The following B3GALT1 variants were observed in gnomAD, a reference collection of about 807,000 sequenced individuals.
B3GALT1 encodes UDP-Gal:betaGlcNAc beta 1,3-galactosyltransferase, polypeptide 1.
B3GALT1 carries 10 observed loss-of-function variants against 23.2 expected under a neutral mutation model. The ratio of observed to expected loss-of-function variants is 0.43; its 90% confidence interval spans 0.27 to 0.73. B3GALT1 has a LOEUF of 0.73. Ranked by LOEUF, B3GALT1 falls within the 30% of genes least tolerant of loss-of-function variation. The pLI, the probability that B3GALT1 is intolerant of heterozygous loss-of-function variation, is 0.21. For synonymous variants in B3GALT1, 156 were observed against 141.5 expected (o/e 1.10, Z -0.73); for missense variants, 299 against 405.4 (o/e 0.74, Z 2.25).
At chr2:167,746,790 T>C (rs796481190) in intron 3 of B3GALT1, among the ~76,000 whole-genome samples, 5 of 152,332 alleles carry the variant, frequency 3.3e-5, no homozygotes, top group African/African-American at 1.2e-4. Flanking sequence ...GCCCTTAAGT[T>C]TGCTATGTCT....
chr2:167,370,746 G>A (rs1039617490), intron 1 of B3GALT1, among the ~76,000 whole-genome samples: 2 of 152,230 alleles, frequency 1.3e-5, no homozygotes, highest in Middle Eastern at 3.4e-3. Context: ...GCAACATAGT[G>A]AAATCTCGTC....
chr2:167,726,631 TCACAA>T (rs1448902979), intron 3 of B3GALT1, among the ~76,000 whole-genome samples: 2 of 152,202 alleles, frequency 1.3e-5, no homozygotes, highest in Admixed American at 1.3e-4. Context: ...TAGTTGACAT[TCACAA>T]CATCTCTATG....
chr2:167,576,191 T>C (rs1380158759), intron 2 of B3GALT1, among the ~76,000 whole-genome samples: 1 of 151,828 alleles, frequency 6.6e-6, no homozygotes, highest in African/African-American at 2.4e-5. Flanking sequence ...AAGGACTTTA[T>C]TTACATTTCT....
chr2:167,695,361 T>C (rs1202831555), intron 3 of B3GALT1, among the ~76,000 whole-genome samples: 1 of 152,174 alleles, frequency 6.6e-6, no homozygotes, highest in African/African-American at 2.4e-5. Flanking sequence ...CATTAATCTT[T>C]GAGAAAAAAG....
intron 1 of B3GALT1, among the ~76,000 whole-genome samples, chr2:167,444,449 C>T (rs138076672): frequency 0.012 from 1,813 of 152,300 alleles, 41 homozygotes; most frequent in African/African-American, 0.042. Flanking sequence ...ATGGTACCAG[C>T]TCCTCCTTGT....
At chr2:167,305,469 T>C (rs912846430) in intron 1 of B3GALT1, among the ~76,000 whole-genome samples, 1 of 152,176 alleles carries the variant, frequency 6.6e-6, no homozygotes, top group Non-Finnish European at 1.5e-5. Flanking sequence ...GCATATTATT[T>C]CACACGTGTA....
chr2:167,576,534 T>G (rs535547299), intron 2 of B3GALT1, among the ~76,000 whole-genome samples: 104 of 147,588 alleles, frequency 7.0e-4, no homozygotes, highest in East Asian at 2.3e-3. Context: ...TTTTTTTTGT[T>G]TTTTTTTTTT....
chr2:167,359,811 C>G (rs1697471367), intron 1 of B3GALT1, among the ~76,000 whole-genome samples: 1 of 150,150 alleles, frequency 6.7e-6, no homozygotes, highest in Non-Finnish European at 1.5e-5. Context: ...ACCAAGAAAA[C>G]TAATTTCCAG....
intron 2 of B3GALT1, among the ~76,000 whole-genome samples, chr2:167,519,023 G>C (rs765879857): frequency 1.3e-5 from 2 of 152,160 alleles, no homozygotes; most frequent in Non-Finnish European, 2.9e-5. Flanking sequence ...GAGTTGTGAA[G>C]AGCTCATGGC....
At chr2:167,313,153 C>T (rs1362726846) in intron 1 of B3GALT1, among the ~76,000 whole-genome samples, 2 of 152,108 alleles carry the variant, frequency 1.3e-5, no homozygotes, top group Non-Finnish European at 2.9e-5. Flanking sequence ...TCATGATTTT[C>T]TGCTTATTCA....
At chr2:167,600,480 A>G (rs956833822) in intron 2 of B3GALT1, among the ~76,000 whole-genome samples, 2 of 152,168 alleles carry the variant, frequency 1.3e-5, no homozygotes, top group Non-Finnish European at 2.9e-5. Context: ...AATTTAGACA[A>G]TTATCATCAC....
chr2:167,705,070 T>C (rs975680276), intron 3 of B3GALT1, among the ~76,000 whole-genome samples: 3 of 152,222 alleles, frequency 2.0e-5, no homozygotes, highest in African/African-American at 7.2e-5. Flanking sequence ...CTTGGCTATG[T>C]GACCTGCTTG....
At chr2:167,367,029 A>G (rs1697598447) in intron 1 of B3GALT1, among the ~76,000 whole-genome samples, 1 of 152,190 alleles carries the variant, frequency 6.6e-6, no homozygotes, top group Non-Finnish European at 1.5e-5. Flanking sequence ...CCAAGTGGGG[A>G]AGACTACACA....
chr2:167,656,697 G>T (rs1366510917), intron 3 of B3GALT1, among the ~76,000 whole-genome samples: 1 of 152,138 alleles, frequency 6.6e-6, no homozygotes, highest in Non-Finnish European at 1.5e-5. Context: ...TGGATTAGCT[G>T]TCCTACAGCT....
chr2:167,703,917 C>G (rs1480007662), intron 3 of B3GALT1, among the ~76,000 whole-genome samples: 1 of 152,102 alleles, frequency 6.6e-6, no homozygotes, highest in Non-Finnish European at 1.5e-5. Flanking sequence ...CGCGGTGGCT[C>G]ACACCTGTAA....
At chr2:167,784,407 T>C (rs1688306042) in intron 3 of B3GALT1, among the ~76,000 whole-genome samples, 1 of 152,156 alleles carries the variant, frequency 6.6e-6, no homozygotes, top group Non-Finnish European at 1.5e-5. Flanking sequence ...GATCCCCAGG[T>C]GCTCCCATTT....
At chr2:167,652,105 G>T (rs896745045) in intron 3 of B3GALT1, among the ~76,000 whole-genome samples, 3 of 152,142 alleles carry the variant, frequency 2.0e-5, no homozygotes, top group African/African-American at 7.2e-5. Context: ...TGAACATATT[G>T]GGGGGAAGCA....
At chr2:167,578,125 C>T (rs543332967) in intron 2 of B3GALT1, among the ~76,000 whole-genome samples, 1 of 151,982 alleles carries the variant, frequency 6.6e-6, no homozygotes, top group South Asian at 2.1e-4. Context: ...TATCAGTGCT[C>T]TGCATTATAT....
chr2:167,744,916 C>T (rs1687630778), intron 3 of B3GALT1, among the ~76,000 whole-genome samples: 1 of 152,090 alleles, frequency 6.6e-6, no homozygotes. Flanking sequence ...CAGTAAATGT[C>T]TTGTTTTGTT....
Sources: allele counts gnomAD v4.1 joint callset (sites outside exome capture counted in the v4.1 genomes callset), GRCh38; gene constraint gnomAD v4.1.1; transcripts MANE v1.5; gene names NCBI Gene and HGNC (gene_info 2026-07-23, HGNC 2026-07-21).